The following ABHD2 variants were observed in gnomAD, a reference collection of about 807,000 sequenced individuals.
ABHD2 encodes the protein abhydrolase domain containing 2, acylglycerol lipase.
Under a neutral mutation model 48.1 loss-of-function variants are expected in ABHD2, and 20 were observed. The ratio of observed to expected loss-of-function variants is 0.42; its 90% CI spans 0.29 to 0.60. The LOEUF (loss-of-function observed/expected upper bound fraction) is 0.60, where lower values mean the gene tolerates loss of function less well. ABHD2 is among the 20% of genes least tolerant of loss of function. The pLI is 0.24. For missense variants in ABHD2, 405 were observed against 550.9 expected, an observed-to-expected ratio of 0.74 and a Z score of 2.65; for synonymous variants, 209 against 214.2, an observed-to-expected ratio of 0.98 and a Z score of 0.21.
chr15:89,159,311 A>C (rs2050726214), intron 5 of ABHD2, among the ~76,000 whole-genome samples: 1 of 151,838 alleles, frequency 6.6e-6, no homozygotes, highest in Admixed American at 6.6e-5. Context: ...CAGGAGGCGG[A>C]GGTTGCAGTG....
intron 3 of ABHD2, among the ~76,000 whole-genome samples, chr15:89,150,420 G>A (rs957234963): frequency 7.2e-5 from 11 of 152,106 alleles, no homozygotes; most frequent in Admixed American, 7.2e-4. Flanking sequence ...TCTTATAAAT[G>A]CCTTCGCCTG....
chr15:89,094,736 CAA>C lies in ABHD2; in HGVS notation c.-107+6175_-107+6176del, dbSNP rs945783875. On this transcript the variant is annotated intron_variant, in intron 1 of 10. Coordinates refer to ENST00000352732, the MANE Select transcript of ABHD2 (RefSeq NM_152924.5). The surrounding 1 kb of genome is among the most constrained non-coding windows in gnomAD (Gnocchi z 4.7). ...ACAGCAACAACAACAACAACAAAAA[CAA>C]ATAAGGAAATACAAAAGCCCTGTCA... is the stretch of plus-strand genomic sequence containing the variant. Among the ~76,000 whole-genome samples the C allele has an allele frequency of 1.3e-5, 2 of 151,432 alleles. No homozygotes were observed. Among genetic ancestry groups the C allele is most frequent in the Admixed American group, 1.3e-4 (2 of 15,200 alleles).
At chr15:89,088,277 T>G (rs1297118211), upstream of ABHD2, 1 of 152,448 alleles carries the variant, frequency 6.6e-6, no homozygotes, top group Non-Finnish European at 1.5e-5. This position sits in a 1 kb window ranked among gnomAD's most constrained non-coding sequence, Gnocchi z 6.8. Flanking sequence ...GCCTCCACTC[T>G]GAGGAACAGC....
At chr15:89,156,827 A>G (rs1017462954) in intron 5 of ABHD2, among the ~76,000 whole-genome samples, 1 of 152,264 alleles carries the variant, frequency 6.6e-6, no homozygotes, top group Non-Finnish European at 1.5e-5. Context: ...CATAAACAAT[A>G]AACACATAAA....
chr15:89,089,869 T>C (rs557299242), intron 1 of ABHD2, among the ~76,000 whole-genome samples: 8 of 152,306 alleles, frequency 5.3e-5, no homozygotes, highest in South Asian at 2.1e-4. Flanking sequence ...AAGCAGTCCA[T>C]ATACAGCTGG....
chr15:89,079,478 CATGG>C, the ABHD2 span, among the ~76,000 whole-genome samples: 1 of 142,568 alleles, frequency 7.0e-6, no homozygotes, highest in Admixed American at 6.7e-5. The surrounding 1 kb of genome is among the most constrained non-coding windows in gnomAD (Gnocchi z 4.3). Context: ...TAAACCTCTA[CATGG>C]CAAAATAAAC....
intron 1 of ABHD2, among the ~76,000 whole-genome samples, chr15:89,112,192 C>G (rs1216334750): frequency 6.6e-6 from 1 of 152,204 alleles, no homozygotes; most frequent in Non-Finnish European, 1.5e-5. Flanking sequence ...CCCTGCTCAG[C>G]TCTGTCCATT....
In ABHD2 at chr15:89,137,067, G is replaced by C. The variant is rs1320507009; in HGVS notation, c.195-14610G>C. ...GGGAATAGTGGTGCCTTCTCCTAAAGTTAGGTCACTAATCTTTGACTGGCT... is the reference window on the plus strand; with the variant it reads ...GGGAATAGTGGTGCCTTCTCCTAAACTTAGGTCACTAATCTTTGACTGGCT... On this transcript the variant is annotated intron_variant, in intron 3 of 10. Coordinates refer to ENST00000352732, the MANE Select transcript of ABHD2 (RefSeq NM_152924.5). This position sits in a 1 kb window ranked among gnomAD's most constrained non-coding sequence, Gnocchi z 4.8. Among the ~76,000 whole-genome samples the C allele has an allele frequency of 6.6e-6, 1 of 152,212 alleles. No individual in the cohort carries two copies. Among genetic ancestry groups the C allele is most frequent in the East Asian group, 1.9e-4 (1 of 5,196 alleles).
chr15:89,160,614 G>A (rs111937108), intron 5 of ABHD2, among the ~76,000 whole-genome samples: 87 of 152,230 alleles, frequency 5.7e-4, no homozygotes, highest in African/African-American at 2.0e-3. Context: ...GATCTCAGTG[G>A]TTTAAAGCAA....
chr15:89,140,209 G>C (rs1177672679), intron 3 of ABHD2, among the ~76,000 whole-genome samples: 1 of 152,210 alleles, frequency 6.6e-6, no homozygotes, highest in Non-Finnish European at 1.5e-5. Context: ...TATGTTAGCA[G>C]TTCTTTTCCT....
intron 4 of ABHD2, among the ~76,000 whole-genome samples, chr15:89,154,636 A>G (rs540807084): frequency 2.0e-5 from 3 of 152,346 alleles, no homozygotes; most frequent in African/African-American, 7.2e-5. Flanking sequence ...CAGCATTATT[A>G]TAACCCCCTT....
rs1020788032 is a variant in ABHD2, at chr15:89,174,475, T to G, written c.539-1337T>G. On this transcript the variant is annotated intron_variant, in intron 5 of 10. Transcript: ENST00000352732. The surrounding 1 kb of genome is among the most constrained non-coding windows in gnomAD (Gnocchi z 4.1). ...TCTATGCACACTGCAGCTTAAGAAC[T>G]GCATGGGGCTGTGCCGGCCTGGCTT... 1.3e-5 allele frequency among the ~76,000 whole-genome samples: 2 copies of G among 152,290 alleles called. No individual in the cohort carries two copies. Among genetic ancestry groups the G allele is most frequent in the East Asian group, 1.9e-4 (1 of 5,174 alleles).
chr15:89,069,985 C>T, the ABHD2 span: 2 of 152,134 alleles, frequency 1.3e-5, no homozygotes, highest in East Asian at 3.9e-4. Flanking sequence ...CTGCTATTTA[C>T]TCTTGTATCA....
At chr15:89,062,361 T>TG in the ABHD2 span, among the ~76,000 whole-genome samples, 10 of 150,916 alleles carry the variant, frequency 6.6e-5, no homozygotes, top group South Asian at 2.1e-4. Flanking sequence ...TGTTTTTGTG[T>TG]GGGGGGGTGG....
At chr15:89,127,715 ATATACACATATATATATATATATATG>A (rs2050153500) in intron 3 of ABHD2, among the ~76,000 whole-genome samples, 1 of 86,734 alleles carries the variant, frequency 1.2e-5, no homozygotes, top group African/African-American at 6.2e-5. Flanking sequence ...ACATATATAT[ATATACACATATATATATATATATATG>A]TATATTTTAA....
the ABHD2 span, among the ~76,000 whole-genome samples, chr15:89,069,087 G>A: frequency 6.7e-6 from 1 of 149,226 alleles, no homozygotes; most frequent in African/African-American, 2.5e-5. Flanking sequence ...TTGGAAAACA[G>A]TCTGGCAAGC....
intron 5 of ABHD2, among the ~76,000 whole-genome samples, chr15:89,169,897 C>G (rs996931402): frequency 6.6e-6 from 1 of 151,946 alleles, no homozygotes; most frequent in African/African-American, 2.4e-5. Context: ...ACCCTAGACC[C>G]CCAGTTTTTC....
At chr15:89,152,359 G>A (rs958407184) in intron 4 of ABHD2, among the ~76,000 whole-genome samples, 12 of 152,252 alleles carry the variant, frequency 7.9e-5, no homozygotes, top group Middle Eastern at 3.4e-3. Context: ...GATTACAGGC[G>A]TGAGCCACCG....
chr15:89,127,720 C>CATATATATATATATATATATATATATAT (rs1567080056), intron 3 of ABHD2, among the ~76,000 whole-genome samples: 1 of 69,766 alleles, frequency 1.4e-5, no homozygotes, highest in African/African-American at 5.5e-5. Flanking sequence ...TATATATATA[C>CATATATATATATATATATATATATATAT]ACATATATAT....
Sources: gnomAD v4.1 joint callset for allele counts (sites outside exome capture counted in the v4.1 genomes callset) on GRCh38, gnomAD v4.1.1 for gene constraint, Gnocchi (gnomAD v3.1) non-coding constraint, MANE v1.5 for transcripts, NCBI Gene and HGNC (gene_info 2026-07-23, HGNC 2026-07-21) for gene names.